Variants in RUNX1T1 observed in about 807,000 individuals in gnomAD.
The protein encoded by RUNX1T1 is protein CBFA2T1.
A neutral mutation model predicts 62.8 loss-of-function variants in RUNX1T1; 4 were observed. That is an observed-to-expected ratio of 0.06 (90% CI 0.03 to 0.15). The LOEUF is 0.15. Ranked by LOEUF, RUNX1T1 falls within the 10% of genes least tolerant of loss-of-function variation. The probability of loss-of-function intolerance (pLI) is 1.00; values close to 1 mark genes in which losing one functional copy is unlikely to be tolerated. For missense variants in RUNX1T1, 508 were observed against 754.3 expected (o/e 0.67, Z 3.82); for synonymous variants, 291 against 286.0 (o/e 1.02, Z -0.18).
intron 1 of RUNX1T1, among the ~76,000 whole-genome samples, chr8:92,020,356 A>C (rs1184934357): frequency 6.6e-6 from 1 of 152,246 alleles, no homozygotes; most frequent in East Asian, 1.9e-4. Flanking sequence ...ATTTAACCAC[A>C]GAAGCATTTC....
At position 92,078,879 on chromosome 8, in the gene RUNX1T1, T is replaced by C. The variant is rs1410283460; in HGVS notation, c.-85-2742A>G. ...CGCAATGTATTTATTTTCTAAGGAATGCAATAACTTGAGAGAACCTTCTAT... is the reference window on the plus strand; with the variant it reads ...CGCAATGTATTTATTTTCTAAGGAACGCAATAACTTGAGAGAACCTTCTAT... On this transcript the variant is annotated intron_variant, in intron 1 of 11. Coordinates refer to the RUNX1T1 transcript ENST00000265814. 3.3e-5 allele frequency among the ~76,000 whole-genome samples: 5 copies of C among 152,242 alleles called. No individual in the cohort carries two copies. The South Asian group carries it at 6.2e-4, about 19-fold the overall frequency.
chr8:92,035,505 T>A (rs1054269404), intron 1 of RUNX1T1, among the ~76,000 whole-genome samples: 1 of 151,702 alleles, frequency 6.6e-6, no homozygotes, highest in Non-Finnish European at 1.5e-5. Context: ...TAAAAAAAAA[T>A]TTTAAAGGCG....
At chr8:92,056,893 T>C (rs1365593020) in intron 1 of RUNX1T1, among the ~76,000 whole-genome samples, 1 of 152,188 alleles carries the variant, frequency 6.6e-6, no homozygotes. Context: ...TAACAAAAGA[T>C]AGCCAGGATG....
At chr8:92,082,765 T>C (rs1289226443) in intron 1 of RUNX1T1, among the ~76,000 whole-genome samples, 2 of 152,096 alleles carry the variant, frequency 1.3e-5, no homozygotes, top group East Asian at 3.9e-4. Flanking sequence ...GCAGCTGGAA[T>C]CCCACACAAT....
intron 4 of RUNX1T1, among the ~76,000 whole-genome samples, chr8:92,008,257 T>A (rs1821203658): frequency 6.6e-6 from 1 of 151,998 alleles, no homozygotes; most frequent in Non-Finnish European, 1.5e-5. Flanking sequence ...TAGCAGAGCA[T>A]GATATTCAGA....
At chr8:92,080,084 C>A (rs2130807991) in intron 1 of RUNX1T1, among the ~76,000 whole-genome samples, 1 of 152,028 alleles carries the variant, frequency 6.6e-6, no homozygotes, top group South Asian at 2.1e-4. Context: ...TTCTCCCTCC[C>A]CCACCCAAAC....
downstream of RUNX1T1, chr8:91,958,849 G>T (rs1809778724): frequency 5.2e-6 from 1 of 192,400 alleles, no homozygotes; most frequent in Non-Finnish European, 1.1e-5. Context: ...AAGCATGCTG[G>T]TTTTCAGGAA....
At chr8:92,087,973 C>T (rs1836389558) in intron 1 of RUNX1T1, among the ~76,000 whole-genome samples, 1 of 152,304 alleles carries the variant, frequency 6.6e-6, no homozygotes, top group South Asian at 2.1e-4. Flanking sequence ...GACCTACCTA[C>T]CTTTATTTAA....
intron 1 of RUNX1T1, among the ~76,000 whole-genome samples, chr8:92,060,553 A>ATGTGTGTG (rs1271953758): frequency 1.9e-4 from 12 of 63,932 alleles, no homozygotes; most frequent in African/African-American, 2.9e-4. Context: ...ATATATATAT[A>ATGTGTGTG]TGTGTGTGTG....
intron 4 of RUNX1T1, chr8:92,006,794 A>G (rs1007829441): frequency 1.6e-4 from 24 of 151,782 alleles, no homozygotes; most frequent in African/African-American, 5.6e-4. Flanking sequence ...AGCCCCATAT[A>G]TGTTAGCTAT....
exon 11 of RUNX1T1, chr8:91,960,223 G>A (rs1177569956): frequency 5.0e-6 from 8 of 1,601,100 alleles, no homozygotes; most frequent in African/African-American, 4.0e-5. Flanking sequence ...TCTTTCCTCC[G>A]ACAGTTCTGA....
chr8:92,067,749 CTGTT>C (rs1242443965), upstream of RUNX1T1, among the ~76,000 whole-genome samples: 3 of 152,068 alleles, frequency 2.0e-5, no homozygotes, highest in Non-Finnish European at 4.4e-5. Context: ...AAAATGAAGT[CTGTT>C]TAAGACAAAA....
At chr8:92,015,369 T>A (rs536143218) in intron 2 of RUNX1T1, among the ~76,000 whole-genome samples, 1 of 152,290 alleles carries the variant, frequency 6.6e-6, no homozygotes, top group Non-Finnish European at 1.5e-5. Context: ...CCCTCATACT[T>A]CTTAACCACT....
exon 1 of RUNX1T1, chr8:92,062,702 G>A (rs1022041359): frequency 4.4e-5 from 70 of 1,607,780 alleles, no homozygotes; most frequent in Admixed American, 1.0e-4. Flanking sequence ...GGTGCTGGGC[G>A]CGTGCGCCTG....
upstream of RUNX1T1, among the ~76,000 whole-genome samples, chr8:92,101,540 C>A (rs1838034845): frequency 6.6e-6 from 1 of 152,094 alleles, no homozygotes; most frequent in Non-Finnish European, 1.5e-5. Context: ...ATTTGTGGTG[C>A]CCAGTCTTCA....
At chr8:92,022,196 T>A (rs1174534563) in intron 1 of RUNX1T1, among the ~76,000 whole-genome samples, 1 of 152,112 alleles carries the variant, frequency 6.6e-6, no homozygotes, top group Non-Finnish European at 1.5e-5. Context: ...CATTTCTAAC[T>A]ATTAGAAATC....
chr8:92,092,566 G>A (rs1837193470), intron 1 of RUNX1T1, among the ~76,000 whole-genome samples: 1 of 152,172 alleles, frequency 6.6e-6, no homozygotes, highest in South Asian at 2.1e-4. Flanking sequence ...TGCAAGAACA[G>A]TGTTAACTTT....
chr8:92,057,738 T>C (rs1831267585), intron 1 of RUNX1T1, among the ~76,000 whole-genome samples: 1 of 152,194 alleles, frequency 6.6e-6, no homozygotes, highest in Non-Finnish European at 1.5e-5. Context: ...ACGATAAACC[T>C]GTTTCTTGGT....
chr8:91,961,773 G>C (rs1376693170), intron 10 of RUNX1T1, among the ~76,000 whole-genome samples: 1 of 152,180 alleles, frequency 6.6e-6, no homozygotes, highest in African/African-American at 2.4e-5. Flanking sequence ...AGTAATCTTA[G>C]CTTTATGTCA....
Sources: allele counts gnomAD v4.1 joint callset (sites outside exome capture counted in the v4.1 genomes callset), GRCh38; gene constraint gnomAD v4.1.1; transcripts MANE v1.5; gene names NCBI Gene and HGNC (gene_info 2026-07-23, HGNC 2026-07-21).